FYN: variants seen among roughly 807,000 people sequenced by gnomAD.
FYN encodes the protein FYN proto-oncogene, Src family tyrosine kinase, also known as tyrosine-protein kinase Fyn.
Under a neutral mutation model 70.2 loss-of-function variants are expected in FYN, and 10 were observed. The observed-to-expected ratio is 0.14, with a 90% CI of 0.09 to 0.24. The LOEUF (loss-of-function observed/expected upper bound fraction) is 0.24, where lower values mean the gene tolerates loss of function less well. Among genes scored for constraint, FYN ranks in the 10% least tolerant of loss-of-function variants. The probability of loss-of-function intolerance (pLI) is 1.00; values close to 1 mark genes in which losing one functional copy is unlikely to be tolerated. For missense variants in FYN, 319 were observed against 673.1 expected (o/e 0.47, Z 5.82); for synonymous variants, 236 against 248.6 (o/e 0.95, Z 0.48).
chr6:111,817,145 A>G (rs1327093261), intron 2 of FYN, among the ~76,000 whole-genome samples: 1 of 152,198 alleles, frequency 6.6e-6, no homozygotes, highest in East Asian at 1.9e-4. Context: ...CAATTACATG[A>G]AATCATATAT....
At chr6:111,802,165 G>A (rs1454991731) in intron 2 of FYN, among the ~76,000 whole-genome samples, 1 of 152,102 alleles carries the variant, frequency 6.6e-6, no homozygotes, top group Non-Finnish European at 1.5e-5. Context: ...GTCCCACTTG[G>A]TGCTGCCCTC....
chr6:111,841,125 T>C (rs1773346196), intron 2 of FYN, among the ~76,000 whole-genome samples: 1 of 152,162 alleles, frequency 6.6e-6, no homozygotes, highest in Non-Finnish European at 1.5e-5. Context: ...GAACCAGCAG[T>C]GGAAAGAAAA....
chr6:111,844,351 T>C (rs557568250), intron 2 of FYN, among the ~76,000 whole-genome samples: 1 of 152,234 alleles, frequency 6.6e-6, no homozygotes, highest in South Asian at 2.1e-4. Flanking sequence ...TTTTCTCCAC[T>C]GGAGTTGGCC....
At chr6:111,831,195 C>A (rs1773006703) in intron 2 of FYN, among the ~76,000 whole-genome samples, 1 of 152,118 alleles carries the variant, frequency 6.6e-6, no homozygotes. Flanking sequence ...GAAAGTTTCT[C>A]TCCTATCTGC....
At chr6:111,703,671 G>A (rs895641980) in intron 7 of FYN, among the ~76,000 whole-genome samples, 2 of 152,180 alleles carry the variant, frequency 1.3e-5, no homozygotes, top group Admixed American at 1.3e-4. Flanking sequence ...AAAACAACCT[G>A]TATGACTGGC....
At chr6:111,758,564 A>G (rs1374795064) in intron 3 of FYN, among the ~76,000 whole-genome samples, 1 of 152,226 alleles carries the variant, frequency 6.6e-6, no homozygotes, top group East Asian at 1.9e-4. Context: ...TGGCAGTGAA[A>G]ATACCCAACA....
intron 3 of FYN, among the ~76,000 whole-genome samples, chr6:111,747,517 T>C (rs1255749344): frequency 1.3e-5 from 2 of 152,250 alleles, no homozygotes; most frequent in African/African-American, 4.8e-5. Flanking sequence ...AAACCAGACA[T>C]GAACGTGTTC....
intron 3 of FYN, among the ~76,000 whole-genome samples, chr6:111,728,241 A>G (rs1272071130): frequency 2.6e-5 from 4 of 152,242 alleles, no homozygotes; most frequent in Non-Finnish European, 5.9e-5. Flanking sequence ...AGAAAGAATT[A>G]GAGCACAGGT....
chr6:111,705,367 TTCA>T (rs1420753715), intron 6 of FYN, among the ~76,000 whole-genome samples: 3 of 151,592 alleles, frequency 2.0e-5, no homozygotes. Context: ...GTGATCTGTG[TTCA>T]TCATCTTCTT....
chr6:111,720,564 A>G (rs1800883580), intron 3 of FYN, among the ~76,000 whole-genome samples: 1 of 152,150 alleles, frequency 6.6e-6, no homozygotes, highest in Non-Finnish European at 1.5e-5. Flanking sequence ...TGCTTCACTC[A>G]TGGGTACCAC....
At chr6:111,836,577 C>A (rs999693344) in intron 2 of FYN, among the ~76,000 whole-genome samples, 1 of 152,044 alleles carries the variant, frequency 6.6e-6, no homozygotes, top group Non-Finnish European at 1.5e-5. Context: ...CCAGCCTGGG[C>A]AACATAGGGA....
chr6:111,790,911 G>C (rs1771595212), intron 2 of FYN, among the ~76,000 whole-genome samples: 1 of 152,200 alleles, frequency 6.6e-6, no homozygotes, highest in Non-Finnish European at 1.5e-5. Flanking sequence ...AGAAATTACA[G>C]AAGACCTATA....
intron 1 of FYN, among the ~76,000 whole-genome samples, chr6:111,859,255 A>G (rs529938606): frequency 6.6e-6 from 1 of 152,288 alleles, no homozygotes; most frequent in Admixed American, 6.5e-5. Context: ...AGAGCAACCT[A>G]TTATTCAAAC....
At chr6:111,677,844 C>T in intron 12 of FYN, among the ~76,000 whole-genome samples, 1 of 152,146 alleles carries the variant, frequency 6.6e-6, no homozygotes, top group African/African-American at 2.4e-5. Context: ...CTGATTCACA[C>T]TTTGAAATTC....
At position 111,780,635 on chromosome 6, in the gene FYN, C is replaced by G. The variant is rs1212607927; in HGVS notation, c.-81G>C. Reference sequence around the variant, plus strand: ...CTTCTACAACAGAGGCAGGACTGGTCCTGAAAAACAATACCACAACAAAAG... The same window carrying G: ...CTTCTACAACAGAGGCAGGACTGGTGCTGAAAAACAATACCACAACAAAAG... On this transcript the variant is annotated splice_region_variant and 5_prime_UTR_variant, in exon 3 of 14. Transcript: ENST00000354650. 6.6e-6 allele frequency: 1 copy of G among 152,516 alleles called. No individual in the cohort carries two copies. The highest frequency in any genetic ancestry group is 1.5e-5 in the Non-Finnish European group (1 of 68,032). 9.4% of individuals were successfully genotyped at this position (152,516 alleles called of 1,614,324 possible). A position where few individuals can be genotyped will look rare whatever the true frequency, so the allele number is the denominator to read the frequency against.
At chr6:111,795,765 G>A (rs1214026144) in intron 2 of FYN, among the ~76,000 whole-genome samples, 5 of 152,134 alleles carry the variant, frequency 3.3e-5, no homozygotes, top group East Asian at 1.9e-4. Context: ...GTAACCCTAC[G>A]CAATAGGTCT....
In FYN at chr6:111,830,176, A is replaced by G. The variant is rs1447542113; in HGVS notation, c.-82+16413T>C. On this transcript the variant is annotated intron_variant, in intron 2 of 13. Transcript: ENST00000354650. ...GGGGACCCATCTTCCTGCAGAGCCC[A>G]GTGACTTAATACACAGAAAATGTGA... is the stretch of plus-strand genomic sequence containing the variant. 2.0e-5 allele frequency among the ~76,000 whole-genome samples: 3 copies of G among 152,316 alleles called. No individual in the cohort carries two copies. The East Asian group carries it at 5.8e-4, about 29-fold the overall frequency.
At position 111,694,253 on chromosome 6, in the gene FYN, G is replaced by C. The variant is rs996679025; in HGVS notation, c.1273+122C>G. 148 of 1,314,606 alleles carry C rather than the reference G, an allele frequency of 1.1e-4. No individual in the cohort carries two copies. In the Admixed American group the frequency reaches 1.4e-3, roughly 12 times the overall value. 81.4% of individuals were successfully genotyped at this position (1,314,606 alleles called of 1,614,324 possible). On this transcript the variant is annotated intron_variant, in intron 12 of 13. Transcript: ENST00000354650. The surrounding 1 kb of genome is among the most constrained non-coding windows in gnomAD (Gnocchi z 5.0). ...TGCCAGATCAAGGTGTCCAAACCAA[G>C]CTGAAGAATGACATTTCAAGTATTT...
intron 13 of FYN, among the ~76,000 whole-genome samples, chr6:111,666,900 A>T (rs532898909): frequency 6.6e-6 from 1 of 152,106 alleles, no homozygotes; most frequent in African/African-American, 2.4e-5. Flanking sequence ...CTCCTTGTCA[A>T]CTCAGATTTT....
Sources: allele counts gnomAD v4.1 joint callset (sites outside exome capture counted in the v4.1 genomes callset), GRCh38; gene constraint gnomAD v4.1.1; non-coding constraint Gnocchi (gnomAD v3.1); transcripts MANE v1.5; gene names NCBI Gene and HGNC (gene_info 2026-07-23, HGNC 2026-07-21).